KAZN: variants seen among roughly 807,000 people sequenced by gnomAD.
KAZN encodes kazrin.
KAZN carries 40 observed loss-of-function variants against 87.4 expected under a neutral mutation model. The ratio of observed to expected loss-of-function variants is 0.46; its 90% confidence interval spans 0.36 to 0.60. KAZN has a LOEUF of 0.60. Among genes scored for constraint, KAZN ranks in the 20% least tolerant of loss-of-function variants. The pLI is 0.00. For synonymous variants in KAZN, 466 were observed against 458.3 expected, an observed-to-expected ratio of 1.02 and a Z score of -0.22; for missense variants, 898 against 1,073.9, an observed-to-expected ratio of 0.84 and a Z score of 2.29.
At chr1:14,113,822 A>G (rs1215880226) in intron 1 of KAZN, among the ~76,000 whole-genome samples, 1 of 152,336 alleles carries the variant, frequency 6.6e-6, no homozygotes, top group South Asian at 2.1e-4. Context: ...GACATTATTT[A>G]TGCCAAGGGC....
chr1:13,895,505 A>G (rs1443730415), intron 1 of KAZN, among the ~76,000 whole-genome samples: 5 of 152,170 alleles, frequency 3.3e-5, no homozygotes, highest in African/African-American at 1.2e-4. Context: ...ACATGGAATA[A>G]TAATGACCAG....
At chr1:14,324,683 T>C (rs1484062545) in intron 2 of KAZN, among the ~76,000 whole-genome samples, 1 of 152,178 alleles carries the variant, frequency 6.6e-6, no homozygotes, top group East Asian at 1.9e-4. Context: ...ACTTGAAACA[T>C]TTATCTCAAC....
chr1:14,022,485 CAAAAAAAAAAAAA>C (rs58713618), intron 1 of KAZN, among the ~76,000 whole-genome samples: 2 of 110,480 alleles, frequency 1.8e-5, no homozygotes, highest in East Asian at 7.2e-4. Flanking sequence ...GTATTTAAAG[CAAAAAAAAAAAAA>C]AAAAAAAAAA....
chr1:14,172,821 G>C (rs1255078416), intron 1 of KAZN, among the ~76,000 whole-genome samples: 1 of 152,214 alleles, frequency 6.6e-6, no homozygotes, highest in Non-Finnish European at 1.5e-5. Flanking sequence ...ATTCAAGATG[G>C]CTTTTTCACT....
intron 1 of KAZN, among the ~76,000 whole-genome samples, chr1:14,838,118 C>A (rs1427022522): frequency 6.6e-6 from 1 of 152,100 alleles, no homozygotes. Context: ...CAAGATGGCG[C>A]CTTGGGGCTG....
At chr1:14,418,615 T>A (rs1191577599) in intron 2 of KAZN, among the ~76,000 whole-genome samples, 1 of 152,240 alleles carries the variant, frequency 6.6e-6, no homozygotes, top group African/African-American at 2.4e-5. Context: ...AGGCTTGTTT[T>A]ATAGACAATC....
intron 2 of KAZN, among the ~76,000 whole-genome samples, chr1:14,977,995 C>T (rs949233848): frequency 1.3e-5 from 2 of 148,942 alleles, no homozygotes; most frequent in South Asian, 4.2e-4. Context: ...CTGGTTCAAG[C>T]GATTCTCCTG....
intron 2 of KAZN, among the ~76,000 whole-genome samples, chr1:14,376,486 T>C (rs57937931): frequency 0.052 from 7,873 of 152,270 alleles, 252 homozygotes; most frequent in Non-Finnish European, 0.076. Context: ...CACTCTCTCT[T>C]GCTCTTCTAC....
chr1:14,325,702 C>T (rs963838255), intron 2 of KAZN, among the ~76,000 whole-genome samples: 1 of 152,142 alleles, frequency 6.6e-6, no homozygotes, highest in African/African-American at 2.4e-5. Context: ...GAAGAAAGAA[C>T]TCAGCAAACT....
intron 2 of KAZN, among the ~76,000 whole-genome samples, chr1:15,023,930 C>A (rs1670934612): frequency 6.6e-6 from 1 of 151,970 alleles, no homozygotes; most frequent in African/African-American, 2.4e-5. Flanking sequence ...AAGGAAGATT[C>A]CAGAGTTTAA....
rs112028330 is a variant in KAZN at position 14,690,078 on chromosome 1, C to A, written c.226+90855C>A. Among the ~76,000 whole-genome samples, 1,183 of 152,260 alleles carry A rather than the reference C, an allele frequency of 7.8e-3. 16 individuals are homozygous for A. Among genetic ancestry groups the A allele is most frequent in the African/African-American group, 0.026 (1,097 of 41,552 alleles). On this transcript the variant is annotated intron_variant, in intron 1 of 14. Coordinates refer to ENST00000376030, the MANE Select transcript of KAZN (RefSeq NM_201628.3). The stretch of plus-strand genomic sequence containing the variant: ...GCCAAAGCAACCTGCTGCGTCAACA[C>A]CGTCACCTCCTACAATCAGGTAAAT...
chr1:14,741,942 GT>G (rs147687617), intron 1 of KAZN, among the ~76,000 whole-genome samples: 7 of 150,652 alleles, frequency 4.6e-5, no homozygotes, highest in South Asian at 4.2e-4. Flanking sequence ...TCTTGTGGTT[GT>G]TTTTTTTTGG....
At chr1:14,295,624 A>C (rs1654052928) in intron 2 of KAZN, among the ~76,000 whole-genome samples, 1 of 152,192 alleles carries the variant, frequency 6.6e-6, no homozygotes, top group South Asian at 2.1e-4. Flanking sequence ...ACACAGAGAC[A>C]TAAAAACACA....
chr1:14,904,265 A>G (rs1043471472), intron 1 of KAZN, among the ~76,000 whole-genome samples: 1 of 147,524 alleles, frequency 6.8e-6, no homozygotes, highest in Non-Finnish European at 1.5e-5. Context: ...AGATAGCGCC[A>G]CTGCAGTCCG....
At chr1:14,056,839 A>G (rs539095523) in intron 1 of KAZN, among the ~76,000 whole-genome samples, 19 of 152,226 alleles carry the variant, frequency 1.2e-4, no homozygotes, top group Admixed American at 3.3e-4. Context: ...ACCATCAAGT[A>G]TTTCAAATGT....
chr1:15,033,561 C>A (rs1045631893), intron 2 of KAZN, among the ~76,000 whole-genome samples: 5 of 152,188 alleles, frequency 3.3e-5, no homozygotes, highest in African/African-American at 1.2e-4. Flanking sequence ...CCAGTTTCTC[C>A]ACATCCCACC....
At chr1:14,595,716 A>G (rs906323581), upstream of KAZN, among the ~76,000 whole-genome samples, 8 of 151,722 alleles carry the variant, frequency 5.3e-5, no homozygotes, top group African/African-American at 1.9e-4. Flanking sequence ...AAAAAGAAAG[A>G]AAAAAGAAAG....
At chr1:14,353,651 AAAC>A (rs1218294208) in intron 2 of KAZN, among the ~76,000 whole-genome samples, 2 of 152,256 alleles carry the variant, frequency 1.3e-5, no homozygotes, top group African/African-American at 4.8e-5. Context: ...TTTTAGCAAG[AAAC>A]AATTGGAAAG....
At chr1:14,674,082 G>C (rs1293501938) in intron 1 of KAZN, among the ~76,000 whole-genome samples, 2 of 152,222 alleles carry the variant, frequency 1.3e-5, no homozygotes, top group Admixed American at 1.3e-4. Flanking sequence ...AGACTCAGAA[G>C]AGAAGTACAG....
Sources: gnomAD v4.1 joint callset for allele counts (sites outside exome capture counted in the v4.1 genomes callset) on GRCh38, gnomAD v4.1.1 for gene constraint, MANE v1.5 for transcripts, NCBI Gene and HGNC (gene_info 2026-07-23, HGNC 2026-07-21) for gene names.